RBFOX1: variants seen among roughly 807,000 people sequenced by gnomAD.
RBFOX1 encodes the protein RNA binding fox-1 homolog 1.
Under a neutral mutation model 57.7 loss-of-function variants are expected in RBFOX1, and 8 were observed. The ratio of observed to expected loss-of-function variants is 0.14; its 90% CI spans 0.08 to 0.25. The LOEUF (loss-of-function observed/expected upper bound fraction) is 0.25. Ranked by LOEUF, RBFOX1 falls within the 10% of genes least tolerant of loss-of-function variation. The pLI is 1.00. For missense variants in RBFOX1, 611 were observed against 548.5 expected, an observed-to-expected ratio of 1.11 and a Z score of -1.14; for synonymous variants, 326 against 222.4, an observed-to-expected ratio of 1.47 and a Z score of -4.15.
In RBFOX1 at chr16:5,720,737, G is replaced by A. The variant is rs969532403; in HGVS notation, c.318+121776G>A. Among the ~76,000 whole-genome samples, 5 of 152,122 alleles carry A rather than the reference G, an allele frequency of 3.3e-5. No homozygotes were observed. In the South Asian group the frequency reaches 6.2e-4, roughly 19 times the overall value. ...TGCCCTCGTCAAAAATCACTTATTC[G>A]TAAATAAAAGGATTTATTTATGGAC... On this transcript the variant is annotated intron_variant, in intron 3 of 19. Coordinates refer to the RBFOX1 transcript ENST00000641259.
At chr16:5,643,476 G>A (rs543997508) in intron 3 of RBFOX1, among the ~76,000 whole-genome samples, 5 of 152,288 alleles carry the variant, frequency 3.3e-5, no homozygotes, top group East Asian at 1.9e-4. Context: ...TCTGCTGAGA[G>A]GTATGGAGAT....
intron 3 of RBFOX1, among the ~76,000 whole-genome samples, chr16:5,629,779 G>T (rs1428985929): frequency 6.6e-6 from 1 of 152,206 alleles, no homozygotes; most frequent in Non-Finnish European, 1.5e-5. Context: ...TTTCTGTTCA[G>T]TTGGAAGCAA....
intron 1 of RBFOX1, among the ~76,000 whole-genome samples, chr16:6,269,301 G>T (rs2074926605): frequency 6.6e-6 from 1 of 151,900 alleles, no homozygotes; most frequent in South Asian, 2.1e-4. Flanking sequence ...TTAAATTTTT[G>T]GAATATTTTT....
chr16:6,019,440 C>G lies in RBFOX1; in HGVS notation c.-679C>G. 3 of 989,460 alleles carry G rather than the reference C, an allele frequency of 3.0e-6. No individual in the cohort carries two copies. The highest frequency in any genetic ancestry group is 3.6e-6 in the Non-Finnish European group (3 of 832,930). The allele number at this position is 989,460 out of a possible 1,614,324, so 61.3% of individuals were successfully genotyped here. ...GGCGGACGGAGCCCAGGGGCCGCGTCGGGTGGGGAAACCCGAACTCGCGGA... is the reference window on the plus strand; with the variant it reads ...GGCGGACGGAGCCCAGGGGCCGCGTGGGGTGGGGAAACCCGAACTCGCGGA... On this transcript the variant is annotated 5_prime_UTR_variant, in exon 1 of 16. Transcript: ENST00000550418. The surrounding 1 kb of genome is among the most constrained non-coding windows in gnomAD (Gnocchi z 4.2).
At chr16:5,615,871 C>A (rs1305803056) in intron 3 of RBFOX1, among the ~76,000 whole-genome samples, 1 of 152,084 alleles carries the variant, frequency 6.6e-6, no homozygotes, top group African/African-American at 2.4e-5. Context: ...TTTTTTCTCC[C>A]CAATTATTTG....
chr16:6,123,216 G>C (rs1044484341), intron 1 of RBFOX1, among the ~76,000 whole-genome samples: 3 of 152,116 alleles, frequency 2.0e-5, no homozygotes, highest in Admixed American at 2.0e-4. Flanking sequence ...GTTTATTGTA[G>C]AATTATTTGC....
At chr16:7,348,995 G>C (rs2097075484) in intron 4 of RBFOX1, among the ~76,000 whole-genome samples, 1 of 152,070 alleles carries the variant, frequency 6.6e-6, no homozygotes, top group Non-Finnish European at 1.5e-5. Context: ...CAGTCAACCG[G>C]GTGAGTAGGA....
At chr16:7,371,098 C>G (rs562341124) in intron 4 of RBFOX1, among the ~76,000 whole-genome samples, 1 of 152,148 alleles carries the variant, frequency 6.6e-6, no homozygotes, top group Non-Finnish European at 1.5e-5. Flanking sequence ...TTTCAGAAGC[C>G]TGTCTGATGT....
At chr16:7,146,762 C>T (rs939591792) in intron 4 of RBFOX1, among the ~76,000 whole-genome samples, 1 of 151,240 alleles carries the variant, frequency 6.6e-6, no homozygotes, top group African/African-American at 2.4e-5. Context: ...TAGCCTGGGA[C>T]ACATAGTGAG....
intron 4 of RBFOX1, among the ~76,000 whole-genome samples, chr16:7,115,380 C>G (rs1005001173): frequency 6.6e-6 from 1 of 152,138 alleles, no homozygotes; most frequent in Non-Finnish European, 1.5e-5. Flanking sequence ...AGCTTATATT[C>G]TAATGGAAAA....
intron 2 of RBFOX1, among the ~76,000 whole-genome samples, chr16:5,586,492 A>G (rs539327657): frequency 5.3e-5 from 8 of 152,168 alleles, no homozygotes; most frequent in Admixed American, 1.3e-4. Flanking sequence ...ATTATCCCTA[A>G]TTTTATTTGT....
intron 2 of RBFOX1, among the ~76,000 whole-genome samples, chr16:5,480,974 G>C (rs1480302261): frequency 6.6e-6 from 1 of 152,198 alleles, no homozygotes; most frequent in Non-Finnish European, 1.5e-5. Flanking sequence ...TCCGTCTAAA[G>C]TCTGAGCTGA....
chr16:7,513,574 C>T (rs922719475), intron 4 of RBFOX1, among the ~76,000 whole-genome samples: 6 of 152,182 alleles, frequency 3.9e-5, no homozygotes, highest in African/African-American at 1.2e-4. Flanking sequence ...TGTTTAGCAG[C>T]ATTCCTGGCC....
chr16:6,183,316 T>TA (rs1461918219), intron 1 of RBFOX1, among the ~76,000 whole-genome samples: 2 of 151,468 alleles, frequency 1.3e-5, no homozygotes, highest in Admixed American at 1.3e-4. Flanking sequence ...CTGTCTCTAC[T>TA]AAAAATACAA....
intron 4 of RBFOX1, among the ~76,000 whole-genome samples, chr16:7,146,465 G>A (rs564214380): frequency 2.6e-5 from 4 of 152,248 alleles, no homozygotes; most frequent in Middle Eastern, 3.4e-3. Flanking sequence ...TTCTAGTGAC[G>A]ATGAACAAAG....
At chr16:7,057,730 G>A (rs938893025) in intron 4 of RBFOX1, among the ~76,000 whole-genome samples, 3 of 152,102 alleles carry the variant, frequency 2.0e-5, no homozygotes, top group African/African-American at 4.8e-5. Flanking sequence ...CATAGATGCC[G>A]GGTGCAGTGA....
At chr16:5,773,812 C>G (rs191864383) in intron 3 of RBFOX1, among the ~76,000 whole-genome samples, 1 of 152,094 alleles carries the variant, frequency 6.6e-6, no homozygotes, top group African/African-American at 2.4e-5. Flanking sequence ...GTTCTACTGC[C>G]TCAACCTCCT....
At chr16:6,212,111 G>C (rs1283870592) in intron 1 of RBFOX1, among the ~76,000 whole-genome samples, 1 of 152,178 alleles carries the variant, frequency 6.6e-6, no homozygotes, top group African/African-American at 2.4e-5. Flanking sequence ...GCCAACCTCG[G>C]CCTCCCAATG....
intron 3 of RBFOX1, among the ~76,000 whole-genome samples, chr16:5,690,577 C>T (rs1245046642): frequency 1.3e-5 from 2 of 152,158 alleles, no homozygotes; most frequent in African/African-American, 4.8e-5. Flanking sequence ...AACAAACAAA[C>T]AAACCTTTCC....
Sources: allele counts gnomAD v4.1 joint callset (sites outside exome capture counted in the v4.1 genomes callset), GRCh38; gene constraint gnomAD v4.1.1; non-coding constraint Gnocchi (gnomAD v3.1); transcripts MANE v1.5; gene names NCBI Gene and HGNC (gene_info 2026-07-23, HGNC 2026-07-21).